EYS: variants seen among roughly 807,000 people sequenced by gnomAD.
EYS encodes protein eyes shut homolog.
In EYS, 250 loss-of-function variants were observed where a neutral mutation model predicts 282.1. The ratio of observed to expected loss-of-function variants is 0.89; its 90% CI spans 0.80 to 0.98. The LOEUF (loss-of-function observed/expected upper bound fraction) is 0.98. Ranked by LOEUF, EYS falls within the 50% of genes least tolerant of loss-of-function variation. The pLI is 0.00. For synonymous variants in EYS, 1,355 were observed against 1,282.9 expected (o/e 1.06, Z -1.20); for missense variants, 4,016 against 3,709.0 (o/e 1.08, Z -2.15).
chr6:65,279,583 A>C (rs1388647802), intron 12 of EYS, among the ~76,000 whole-genome samples: 2 of 152,116 alleles, frequency 1.3e-5, no homozygotes, highest in African/African-American at 4.8e-5. Flanking sequence ...CATTCCCCCA[A>C]AATAGTTGCA....
intron 29 of EYS, among the ~76,000 whole-genome samples, chr6:64,351,028 C>T (rs1418346170): frequency 1.3e-5 from 2 of 150,840 alleles, no homozygotes; most frequent in Non-Finnish European, 3.0e-5. Flanking sequence ...TTTCCTGAGG[C>T]CTACCCAGCC....
chr6:65,038,236 C>T (rs1772828625), intron 13 of EYS, among the ~76,000 whole-genome samples: 1 of 151,508 alleles, frequency 6.6e-6, no homozygotes, highest in African/African-American at 2.4e-5. Flanking sequence ...AGATATAATA[C>T]ATTTTCATAA....
intron 2 of EYS, among the ~76,000 whole-genome samples, chr6:65,595,489 C>T (rs1274609023): frequency 6.6e-6 from 1 of 151,660 alleles, no homozygotes; most frequent in Non-Finnish European, 1.5e-5. Context: ...AAAAATCCAT[C>T]ATTCACATAA....
At chr6:65,100,487 C>T (rs1035677238) in intron 12 of EYS, among the ~76,000 whole-genome samples, 17 of 150,372 alleles carry the variant, frequency 1.1e-4, no homozygotes, top group African/African-American at 3.4e-4. Flanking sequence ...TTGAGTATCA[C>T]ATCAAATAAT....
chr6:63,777,326 G>C (rs1770089956), intron 40 of EYS, among the ~76,000 whole-genome samples: 1 of 152,116 alleles, frequency 6.6e-6, no homozygotes, highest in African/African-American at 2.4e-5. Flanking sequence ...CAGGGAGCCG[G>C]TGTTCCTGGT....
At chr6:64,922,433 A>C (rs1036456095) in intron 15 of EYS, among the ~76,000 whole-genome samples, 2 of 152,234 alleles carry the variant, frequency 1.3e-5, no homozygotes, top group African/African-American at 2.4e-5. Flanking sequence ...ATGAGTATGA[A>C]AAGAGCCAGA....
chr6:64,912,757 T>C lies in EYS; in HGVS notation c.2382-14A>G, dbSNP rs1158254852. The C allele has an allele frequency of 3.0e-6, 4 of 1,321,062 alleles. No homozygotes were observed. Among genetic ancestry groups the C allele is most frequent in the Non-Finnish European group, 3.9e-6 (4 of 1,024,162 alleles). The allele number at this position is 1,321,062 out of a possible 1,614,324, so 81.8% of individuals were successfully genotyped here. On this transcript the variant is annotated splice_polypyrimidine_tract_variant and intron_variant, in intron 15 of 42. Coordinates refer to ENST00000503581, the MANE Select transcript of EYS (RefSeq NM_001142800.2). ...GTACACTCACATCTGAAATAAAATATTAAAATTTTTAGAAGTGTGAACTCT... is the reference window on the plus strand; with the variant it reads ...GTACACTCACATCTGAAATAAAATACTAAAATTTTTAGAAGTGTGAACTCT...
intron 26 of EYS, among the ~76,000 whole-genome samples, chr6:64,580,936 G>C (rs1203212840): frequency 6.6e-6 from 1 of 150,612 alleles, no homozygotes; most frequent in Non-Finnish European, 1.5e-5. Flanking sequence ...TTTCATATGA[G>C]AGATGAATCA....
At chr6:65,390,723 T>C (rs1285932906) in intron 7 of EYS, among the ~76,000 whole-genome samples, 1 of 151,648 alleles carries the variant, frequency 6.6e-6, no homozygotes, top group East Asian at 1.9e-4. Flanking sequence ...ATATCCACAA[T>C]TTCTTTTTTT....
intron 36 of EYS, among the ~76,000 whole-genome samples, chr6:63,807,767 A>G (rs948761161): frequency 2.6e-5 from 4 of 152,156 alleles, no homozygotes; most frequent in Admixed American, 2.0e-4. Flanking sequence ...TTTTTAATCT[A>G]ATGAAAACTT....
chr6:64,696,155 A>T (rs1770572224), intron 22 of EYS, among the ~76,000 whole-genome samples: 1 of 152,196 alleles, frequency 6.6e-6, no homozygotes, highest in Non-Finnish European at 1.5e-5. Context: ...CCAAAGAGAT[A>T]GATATCTTTT....
At chr6:65,336,453 ATG>A (rs1769992849) in intron 10 of EYS, among the ~76,000 whole-genome samples, 1 of 151,690 alleles carries the variant, frequency 6.6e-6, no homozygotes, top group South Asian at 2.1e-4. Context: ...AAATATATGT[ATG>A]TATATATATG....
At chr6:64,069,941 AT>A (rs1194067982) in intron 32 of EYS, among the ~76,000 whole-genome samples, 1 of 152,172 alleles carries the variant, frequency 6.6e-6, no homozygotes, top group African/African-American at 2.4e-5. Flanking sequence ...CAGCAAGAGA[AT>A]TATTCTATAC....
At chr6:63,775,688 A>AT (rs999774990) in intron 40 of EYS, among the ~76,000 whole-genome samples, 21 of 151,784 alleles carry the variant, frequency 1.4e-4, no homozygotes, top group Non-Finnish European at 2.2e-4. Flanking sequence ...ACAAAGCACA[A>AT]TTTTTTTTTC....
intron 12 of EYS, among the ~76,000 whole-genome samples, chr6:65,182,816 T>A (rs530997304): frequency 1.3e-5 from 2 of 152,086 alleles, no homozygotes; most frequent in East Asian, 3.9e-4. Context: ...TGAGACAAGG[T>A]CTCACTCTAT....
intron 31 of EYS, among the ~76,000 whole-genome samples, chr6:64,125,154 G>GCGCGCGCGCGCTCTCTCTC (rs1773724746): frequency 2.1e-5 from 3 of 145,260 alleles, no homozygotes; most frequent in African/African-American, 7.8e-5. Context: ...CACACTCTCT[G>GCGCGCGCGCGCTCTCTCTC]TCTCTCTCTC....
In EYS at chr6:63,919,634, C is replaced by T. The variant is rs116961137; in HGVS notation, c.7056-55276G>A. Among the ~76,000 whole-genome samples the T allele has an allele frequency of 1.7e-3, 256 of 152,258 alleles. 3 individuals are homozygous for T. The East Asian group carries it at 0.041, about 25-fold the overall frequency. On this transcript the variant is annotated intron_variant, in intron 35 of 42. Coordinates refer to ENST00000503581, the MANE Select transcript of EYS (RefSeq NM_001142800.2). ...GGGACTGGGGGAAGGTTTGGCAATC[C>T]CTCTCTTGACCTGGTCAGCACTCCG... is the stretch of plus-strand genomic sequence containing the variant.
At chr6:64,437,497 C>T (rs1340848627) in intron 27 of EYS, among the ~76,000 whole-genome samples, 1 of 151,646 alleles carries the variant, frequency 6.6e-6, no homozygotes, top group East Asian at 1.9e-4. Flanking sequence ...TACATTTCAG[C>T]TAGATGATCA....
At chr6:63,875,050 A>G (rs557945808) in intron 35 of EYS, among the ~76,000 whole-genome samples, 3 of 152,278 alleles carry the variant, frequency 2.0e-5, no homozygotes, top group African/African-American at 7.2e-5. Flanking sequence ...GTCTTGTGCC[A>G]GTTTTCAAAG....
Sources: gnomAD v4.1 joint callset for allele counts (sites outside exome capture counted in the v4.1 genomes callset) on GRCh38, gnomAD v4.1.1 for gene constraint, MANE v1.5 for transcripts, NCBI Gene and HGNC (gene_info 2026-07-23, HGNC 2026-07-21) for gene names.